COL4A4: variants seen among roughly 807,000 people sequenced by gnomAD.
The protein encoded by COL4A4 is collagen type IV alpha 4 chain, also known as collagen alpha-4(IV) chain.
COL4A4 carries 105 observed loss-of-function variants against 192.9 expected under a neutral mutation model. That is an observed-to-expected ratio of 0.54 (90% CI 0.46 to 0.64). The LOEUF (loss-of-function observed/expected upper bound fraction) is 0.64. COL4A4 is among the 30% of genes least tolerant of loss of function. The pLI, the probability that COL4A4 is intolerant of heterozygous loss-of-function variation, is 0.00. For synonymous variants in COL4A4, 762 were observed against 769.9 expected (o/e 0.99, Z 0.17); for missense variants, 1,967 against 2,169.3 (o/e 0.91, Z 1.85).
chr2:227,114,575 C>T lies in COL4A4; in HGVS notation c.558+53G>A, dbSNP rs759499779. ...CCTGTCTGAGTATTTCCTGCATGGG[C>T]TTACCTATTTGGAAGAAAAAATTTT... On this transcript the variant is annotated intron_variant, in intron 8 of 47. Coordinates refer to ENST00000396625, the MANE Select transcript of COL4A4 (RefSeq NM_000092.5). The T allele has an allele frequency of 1.3e-5, 18 of 1,379,822 alleles. No homozygotes were observed. In the South Asian group the frequency reaches 2.0e-4, roughly 15 times the overall value. 85.5% of individuals were successfully genotyped at this position (1,379,822 alleles called of 1,614,324 possible).
the COL4A4 span, among the ~76,000 whole-genome samples, chr2:226,976,542 C>A: frequency 2.0e-5 from 3 of 152,140 alleles, no homozygotes; most frequent in African/African-American, 7.2e-5. Flanking sequence ...AGGAGACTCA[C>A]CACCGTATAC....
At position 227,104,051 on chromosome 2, in the gene COL4A4, C is replaced by G. The variant is rs1559631986; in HGVS notation, c.737G>C (p.Gly246Ala). 1.2e-6 allele frequency: 2 copies of G among 1,611,310 alleles called. No homozygotes were observed. The highest frequency in any genetic ancestry group is 1.7e-6 in the Non-Finnish European group (2 of 1,179,094). Reference sequence around the variant, plus strand: ...AGGAGAACCTTGCTGACCAACCTCACCCTTAAAAAAAAAAGCAAGATAATG... The same window carrying G: ...AGGAGAACCTTGCTGACCAACCTCAGCCTTAAAAAAAAAAGCAAGATAATG... ...VGVKGQMGDP[G>A]EVGQQGSPGP... Residue 246 changes from glycine (G) to alanine (A), a missense_variant and splice_region_variant, in exon 13 of 48, where the codon GGT (glycine) becomes GCT (alanine). Gly to Ala is a moderately conservative substitution (Grantham distance 60). Coordinates refer to ENST00000396625, the MANE Select transcript of COL4A4 (RefSeq NM_000092.5).
the COL4A4 span, among the ~76,000 whole-genome samples, chr2:226,976,428 A>G: frequency 6.6e-6 from 1 of 151,714 alleles, no homozygotes; most frequent in Non-Finnish European, 1.5e-5. Context: ...TATAGTAACA[A>G]TTTGTTGTAA....
intron 37 of COL4A4, among the ~76,000 whole-genome samples, chr2:227,041,720 G>GA (rs1207332387): frequency 5.9e-4 from 23 of 39,254 alleles, no homozygotes; most frequent in African/African-American, 2.3e-3. Context: ...AGGAAGGGAG[G>GA]AGGAAGGAAG....
intron 37 of COL4A4, among the ~76,000 whole-genome samples, chr2:227,041,767 GAA>G (rs1559475606): frequency 8.7e-6 from 1 of 114,470 alleles, no homozygotes; most frequent in Non-Finnish European, 1.7e-5. Context: ...AGGAAGGAAG[GAA>G]GGAAGGAAGG....
intron 1 of COL4A4, among the ~76,000 whole-genome samples, chr2:227,151,567 A>G (rs1157644363): frequency 1.3e-5 from 2 of 152,194 alleles, no homozygotes; most frequent in Non-Finnish European, 2.9e-5. Flanking sequence ...AAAATGTGCT[A>G]CACAAATATC....
chr2:226,979,629 C>A, the COL4A4 span, among the ~76,000 whole-genome samples: 1 of 152,216 alleles, frequency 6.6e-6, no homozygotes, highest in Non-Finnish European at 1.5e-5. Flanking sequence ...ACTCAGCAGG[C>A]TGGGTACCCT....
chr2:227,109,131 C>T (rs1355272359), intron 10 of COL4A4, 93 bp downstream of exon 10: 6 of 1,196,626 alleles, frequency 5.0e-6, no homozygotes, highest in Non-Finnish European at 7.5e-6. Context: ...TCAAACGGCC[C>T]ACCTGTGTCT....
chr2:226,987,373 GAA>G, the COL4A4 span, among the ~76,000 whole-genome samples: 1 of 152,178 alleles, frequency 6.6e-6, no homozygotes, highest in African/African-American at 2.4e-5. Flanking sequence ...GGACGGCACT[GAA>G]GAGAGACAAA....
intron 32 of COL4A4, 49 bp from the exon 33 acceptor site, chr2:227,051,207 G>GT: frequency 6.3e-7 from 1 of 1,596,988 alleles, no homozygotes; most frequent in Non-Finnish European, 8.6e-7. Flanking sequence ...TTTGAGCTAG[G>GT]TAATAGTTAA....
intron 35 of COL4A4, among the ~76,000 whole-genome samples, chr2:227,043,473 G>A (rs545739173): frequency 6.6e-6 from 1 of 152,094 alleles, no homozygotes; most frequent in Non-Finnish European, 1.5e-5. Flanking sequence ...AGTTTATATT[G>A]GTTTTCCTAA....
chr2:227,103,058 A>C, intron 14 of COL4A4, 86 bp downstream of exon 14: 8 of 1,253,158 alleles, frequency 6.4e-6, no homozygotes, highest in Non-Finnish European at 9.2e-6. Flanking sequence ...CACTTAAAGC[A>C]ATGATAAAGA....
chr2:227,013,286 GTCTC>G (rs748348575), intron 44 of COL4A4, among the ~76,000 whole-genome samples: 208 of 151,338 alleles, frequency 1.4e-3, no homozygotes, highest in Non-Finnish European at 2.5e-3. Flanking sequence ...TTCTCTCTCT[GTCTC>G]TCTCTCTCTG....
At chr2:227,125,271 G>T (rs1468415876) in intron 4 of COL4A4, among the ~76,000 whole-genome samples, 1 of 151,472 alleles carries the variant, frequency 6.6e-6, no homozygotes, top group Non-Finnish European at 1.5e-5. Context: ...GCAGTGGTGT[G>T]ATCTCAGCTC....
chr2:227,043,757 G>C (rs890757718), intron 35 of COL4A4, among the ~76,000 whole-genome samples: 2 of 152,170 alleles, frequency 1.3e-5, no homozygotes, highest in African/African-American at 4.8e-5. Flanking sequence ...TCACACCGTA[G>C]TGTAATTCCA....
At chr2:227,089,610 C>CATACATATATAT (rs1553671264) in intron 21 of COL4A4, among the ~76,000 whole-genome samples, 2 of 112,046 alleles carry the variant, frequency 1.8e-5, no homozygotes, top group Non-Finnish European at 3.4e-5. Context: ...TATATATATA[C>CATACATATATAT]ATACATATAT....
At chr2:226,983,986 T>C in the COL4A4 span, among the ~76,000 whole-genome samples, 4 of 152,190 alleles carry the variant, frequency 2.6e-5, no homozygotes. Context: ...CTGTCCCTGC[T>C]CGTATAGGAG....
At chr2:227,159,360 T>C (rs1474134586) in intron 1 of COL4A4, among the ~76,000 whole-genome samples, 2 of 152,236 alleles carry the variant, frequency 1.3e-5, no homozygotes, top group African/African-American at 4.8e-5. Flanking sequence ...AAGAAACTTC[T>C]GGGAGTGATA....
At chr2:227,064,436 T>C (rs2058169574) in intron 25 of COL4A4, among the ~76,000 whole-genome samples, 1 of 152,162 alleles carries the variant, frequency 6.6e-6, no homozygotes, top group Non-Finnish European at 1.5e-5. Flanking sequence ...TTGGCATTCC[T>C]GAGGGAAAAG....
Sources: allele counts gnomAD v4.1 joint callset (sites outside exome capture counted in the v4.1 genomes callset), GRCh38; gene constraint gnomAD v4.1.1; transcripts MANE v1.5; gene names NCBI Gene and HGNC (gene_info 2026-07-23, HGNC 2026-07-21).